Variants in SYNE2 observed in about 807,000 individuals in gnomAD.
The protein encoded by SYNE2 is nesprin-2.
SYNE2 carries 431 observed loss-of-function variants against 856.3 expected under a neutral mutation model. The ratio of observed to expected loss-of-function variants is 0.50; its 90% confidence interval spans 0.47 to 0.55. The LOEUF is 0.55. Ranked by LOEUF, SYNE2 falls within the 20% of genes least tolerant of loss-of-function variation. The pLI is 0.00. For missense variants in SYNE2, 8,129 were observed against 8,023.2 expected (o/e 1.01, Z -0.50); for synonymous variants, 2,923 against 2,872.3 (o/e 1.02, Z -0.56).
intron 1 of SYNE2, among the ~76,000 whole-genome samples, chr14:63,853,925 C>A (rs1399503996): frequency 6.6e-6 from 1 of 152,054 alleles, no homozygotes; most frequent in Non-Finnish European, 1.5e-5. Flanking sequence ...AAGGGCGGGG[C>A]GGGGGCTGTG....
chr14:63,899,925 A>G (rs1566749574), intron 1 of SYNE2, among the ~76,000 whole-genome samples: 2 of 152,236 alleles, frequency 1.3e-5, no homozygotes. Context: ...ACTGTGTAGT[A>G]TATTTCTTAA....
At chr14:63,841,832 CTTTTTTTTTTT>C in intron 1 of SYNE2, among the ~76,000 whole-genome samples, 1 of 115,056 alleles carries the variant, frequency 8.7e-6, no homozygotes, top group African/African-American at 3.3e-5. Flanking sequence ...TTCTTTCTTT[CTTTTTTTTTTT>C]TTTTTTTGAG....
intron 85 of SYNE2, among the ~76,000 whole-genome samples, chr14:64,153,564 G>T (rs1173925782): frequency 6.6e-6 from 1 of 152,152 alleles, no homozygotes; most frequent in Non-Finnish European, 1.5e-5. Flanking sequence ...TCATTCCTCA[G>T]TCCTCATTCC....
At chr14:63,785,257 G>C (rs1319632938) in intron 1 of SYNE2, among the ~76,000 whole-genome samples, 1 of 151,850 alleles carries the variant, frequency 6.6e-6, no homozygotes, top group Non-Finnish European at 1.5e-5. Context: ...TCAGGAGTTC[G>C]AGACCAGCCT....
rs2096989814 is a variant in SYNE2 at position 64,027,466 on chromosome 14, A to G, written c.6405-18A>G. The G allele has an allele frequency of 6.6e-7, 1 of 1,518,994 alleles. No homozygotes were observed. The highest frequency in any genetic ancestry group is 1.2e-5 in the South Asian group (1 of 82,690). The allele number at this position is 1,518,994 out of a possible 1,614,324, so 94.1% of individuals were successfully genotyped here. On this transcript the variant is annotated intron_variant, in intron 42 of 115. Coordinates refer to ENST00000555002, the MANE Select transcript of SYNE2 (RefSeq NM_182914.3). ...TGCTAAATATCATTTAATTTATAAA[A>G]TATTTTGTGAAATTTAGCCATCAAG...
At position 63,982,714 on chromosome 14, in the gene SYNE2, G is replaced by T. The variant is rs1458489877; in HGVS notation, c.1921G>T (p.Asp641Tyr). The change falls in exon 17 of 116, where the codon GAT becomes TAT. Residue 641 changes from aspartate (D) to tyrosine (Y), a missense_variant. Asp to Tyr is a radical substitution (Grantham distance 160, BLOSUM62 -3). Around this residue, in one of 3 missense-constraint regions of SYNE2, gnomAD observed 2,422 missense variants for 2,357.4 expected, o/e 1.03. Coordinates refer to ENST00000555002, the MANE Select transcript of SYNE2 (RefSeq NM_182914.3). ...AGNFLVEVSN[D>Y]VVGSSISKEL... ...AAATTTCTTAGTCGAAGTCAGCAAT[G>T]ATGTGGTTGGATCATCTATTTCTAA... is the stretch of plus-strand genomic sequence containing the variant. 3.1e-6 allele frequency: 5 copies of T among 1,614,056 alleles called. No homozygotes were observed. The highest frequency in any genetic ancestry group is 1.7e-5 in the Admixed American group (1 of 60,020).
At chr14:64,133,504 C>T (rs1172439193) in intron 77 of SYNE2, among the ~76,000 whole-genome samples, 3 of 151,980 alleles carry the variant, frequency 2.0e-5, no homozygotes, top group African/African-American at 7.3e-5. Flanking sequence ...TCCATGGAAA[C>T]GGGGCAAGCT....
At chr14:64,218,786 G>A (rs960015164) in intron 109 of SYNE2, among the ~76,000 whole-genome samples, 2 of 152,190 alleles carry the variant, frequency 1.3e-5, no homozygotes. Context: ...TGTGTGTAAA[G>A]ATCAGACTTG....
chr14:64,059,686 A>G (rs914521811), intron 49 of SYNE2, among the ~76,000 whole-genome samples: 1 of 152,262 alleles, frequency 6.6e-6, no homozygotes, highest in Non-Finnish European at 1.5e-5. Flanking sequence ...GCTATTGCCT[A>G]CGTTTGCTCA....
intron 114 of SYNE2, 56 bp downstream of exon 114, chr14:64,224,603 A>G: frequency 1.3e-6 from 2 of 1,593,018 alleles, no homozygotes; most frequent in Non-Finnish European, 1.7e-6. Flanking sequence ...AAAGTCACTA[A>G]GATGAGGGAA....
In SYNE2 at chr14:64,091,952, C is replaced by G. The variant is rs796403077; in HGVS notation, c.11976+904C>G. Among the ~76,000 whole-genome samples the G allele has an allele frequency of 9.9e-5, 15 of 152,172 alleles. 1 individual carries two copies. Among genetic ancestry groups the G allele is most frequent in the African/African-American group, 3.6e-4 (15 of 41,526 alleles). ...TTTCATGCACATTTTGGTGGCCACT[C>G]TGTTCTCCTAAGGTTTGAGGAGACT... On this transcript the variant is annotated intron_variant, in intron 60 of 115. Transcript: ENST00000555002.
rs137942661 is a variant in SYNE2 at position 64,077,013 on chromosome 14, T to G, written c.11022+913T>G. 1.0e-3 allele frequency among the ~76,000 whole-genome samples: 157 copies of G among 152,296 alleles called. 2 individuals carry two copies. In the East Asian group the frequency reaches 0.016, roughly 16 times the overall value. On this transcript the variant is annotated intron_variant, in intron 54 of 115. Transcript: ENST00000555002. ...TATTTCAGGAAAATACTAAATATTT[T>G]GAGAGAAACTAAATGTTATGCTCAT... is the stretch of plus-strand genomic sequence containing the variant.
chr14:64,152,701 C>G lies in SYNE2; in HGVS notation c.15777C>G (p.Ser5259Arg). The G allele has an allele frequency of 6.2e-7, 1 of 1,614,072 alleles. No homozygotes were observed. Among genetic ancestry groups the G allele is most frequent in the Non-Finnish European group, 8.5e-7 (1 of 1,179,972 alleles). ...SRIDELFQKR[S>R]SVLTQVNQLK... ...TTGATGAGTTATTTCAAAAGAGAAG[C>G]AGTGTTCTCACTCAGGTACTAGAAT... The change falls in exon 85 of 116, where the codon AGC becomes AGG. Residue 5259 changes from serine to arginine, a missense_variant. Coordinates refer to ENST00000555002, the MANE Select transcript of SYNE2 (RefSeq NM_182914.3).
At chr14:63,929,143 G>C (rs937040699) in intron 2 of SYNE2, among the ~76,000 whole-genome samples, 1 of 152,084 alleles carries the variant, frequency 6.6e-6, no homozygotes, top group Non-Finnish European at 1.5e-5. Flanking sequence ...CTCCTAGATA[G>C]CTTCAGGATG....
Position 64,052,241 on chromosome 14 carries a change from A to G in SYNE2, c.8328A>G (p.Leu2776=). The G allele has an allele frequency of 6.2e-7, 1 of 1,614,218 alleles. No individual in the cohort carries two copies. Among genetic ancestry groups the G allele is most frequent in the African/African-American group, 1.3e-5 (1 of 75,062 alleles). The change falls in exon 48 of 116, where the codon CTA becomes CTG. Residue 2776 remains leucine (L), a synonymous_variant. Coordinates refer to ENST00000555002, the MANE Select transcript of SYNE2 (RefSeq NM_182914.3). The stretch of plus-strand genomic sequence containing the variant: ...GCAAAGTGACACATGATGGCATTCT[A>G]GCTAGGCAGCAGTCTGTGGAATCGT... The part of the protein sequence containing the change: ...RKCKVTHDGI[L]ARQQSVESLA...
chr14:64,120,867 G>T (rs2097893083), intron 67 of SYNE2, 60 bp from the exon 68 acceptor site: 6 of 1,578,868 alleles, frequency 3.8e-6, no homozygotes, highest in Non-Finnish European at 5.2e-6. Flanking sequence ...TATTAGAATT[G>T]AGATAAAGTG....
chr14:63,989,442 A>T (rs917267607), intron 19 of SYNE2, among the ~76,000 whole-genome samples: 1 of 151,392 alleles, frequency 6.6e-6, no homozygotes, highest in African/African-American at 2.4e-5. Flanking sequence ...GGTTCAAGAG[A>T]TTCTTCTACC....
intron 53 of SYNE2, 31 bp downstream of exon 53, chr14:64,074,167 A>G: frequency 6.2e-7 from 1 of 1,605,436 alleles, no homozygotes; most frequent in Non-Finnish European, 8.5e-7. Context: ...TGAATGTGGC[A>G]GGTACAGGCC....
chr14:63,969,137 A>C (rs1220157033), intron 11 of SYNE2, among the ~76,000 whole-genome samples: 2 of 147,494 alleles, frequency 1.4e-5, no homozygotes, highest in Non-Finnish European at 3.0e-5. Context: ...TTCCACTTCC[A>C]TCCACATTGT....
Sources: allele counts gnomAD v4.1 joint callset (sites outside exome capture counted in the v4.1 genomes callset), GRCh38; gene constraint gnomAD v4.1.1; regional missense constraint gnomAD v4.1.1; transcripts MANE v1.5; gene names NCBI Gene and HGNC (gene_info 2026-07-23, HGNC 2026-07-21).